Variants in NT5C3A observed in about 807,000 individuals in gnomAD.
NT5C3A encodes 5'-nucleotidase, cytosolic IIIA, also known as cytosolic 5'-nucleotidase 3A.
NT5C3A carries 23 observed loss-of-function variants against 40.0 expected under a neutral mutation model. That is an observed-to-expected ratio of 0.58 (90% CI 0.41 to 0.81). The LOEUF (loss-of-function observed/expected upper bound fraction) is 0.81, where lower values mean the gene tolerates loss of function less well. Among genes scored for constraint, NT5C3A ranks in the 40% least tolerant of loss-of-function variants. The pLI is 0.00. For synonymous variants in NT5C3A, 130 were observed against 141.4 expected (o/e 0.92, Z 0.57); for missense variants, 328 against 403.0 (o/e 0.81, Z 1.59).
chr7:33,026,950 A>T (rs1225574411), intron 1 of NT5C3A, 35 bp from the exon 2 acceptor site: 2 of 1,423,700 alleles, frequency 1.4e-6, no homozygotes, highest in East Asian at 2.3e-5. Context: ...ATTAGTTTTC[A>T]TTCTTCTTTC....
chr7:33,028,897 CAT>C (rs1337217765), intron 1 of NT5C3A, among the ~76,000 whole-genome samples: 2 of 151,532 alleles, frequency 1.3e-5, no homozygotes, highest in African/African-American at 4.9e-5. Context: ...CTACTGAAAA[CAT>C]AAAAAATTAG....
At chr7:33,015,541 T>A in intron 8 of NT5C3A, 129 bp downstream of exon 8, 1 of 649,622 alleles carries the variant, frequency 1.5e-6, no homozygotes, top group Admixed American at 2.7e-5. Context: ...CTAGCCTCGG[T>A]AACAGAGGCT....
chr7:33,038,581 C>T (rs569616978), intron 1 of NT5C3A, among the ~76,000 whole-genome samples: 3 of 151,762 alleles, frequency 2.0e-5, no homozygotes, highest in South Asian at 2.1e-4. Context: ...CTTGCCAGTC[C>T]TCACTAGCAA....
chr7:33,014,569 A>G lies in NT5C3A; in HGVS notation c.*161T>C, dbSNP rs1219482349. 3 of 999,846 alleles carry G rather than the reference A, an allele frequency of 3.0e-6. No homozygotes were observed. In the East Asian group the frequency reaches 8.4e-5, roughly 28 times the overall value. 61.9% of individuals were successfully genotyped at this position (999,846 alleles called of 1,614,324 possible). ...TGTGTTGAGAGAGGTGGAGAAAAGG[A>G]GCTTCCAGTCAATGCATTCACCATA... On this transcript the variant is annotated 3_prime_UTR_variant, in exon 9 of 9. Transcript: ENST00000610140.
At chr7:33,016,270 A>G (rs1785320733) in intron 7 of NT5C3A, among the ~76,000 whole-genome samples, 1 of 151,818 alleles carries the variant, frequency 6.6e-6, no homozygotes, top group African/African-American at 2.4e-5. Context: ...GATACTCGGG[A>G]GGCTGAGGAA....
intron 7 of NT5C3A, chr7:33,017,066 C>A: frequency 5.5e-6 from 1 of 180,722 alleles, no homozygotes; most frequent in South Asian, 1.4e-4. Context: ...GCTTGTAATC[C>A]CAGCTACTCG....
rs1371571337 is a variant in NT5C3A at position 33,017,583 on chromosome 7, G to A, written c.549C>T (p.Phe183=). The change falls in exon 7 of 9, where the codon TTC becomes TTT. Residue 183 remains phenylalanine, a synonymous_variant. Transcript: ENST00000610140. ...TGCTATGTTGTTGGAGCTTATCAAA[G>A]AAATTCTCATATCCTTCTCTGTAAG... ...DVMLKEGYEN[F]FDKLQQHSIP... 6.2e-7 allele frequency: 1 copy of A among 1,613,630 alleles called. No homozygotes were observed. Among genetic ancestry groups the A allele is most frequent in the Non-Finnish European group, 8.5e-7 (1 of 1,179,566 alleles).
chr7:33,049,031 C>T (rs73303290), intron 1 of NT5C3A, among the ~76,000 whole-genome samples: 2,804 of 152,234 alleles, frequency 0.018, 72 homozygotes, highest in African/African-American at 0.065. Flanking sequence ...ATAACTACTA[C>T]GTGGTAAGCA....
At chr7:33,034,457 C>G (rs1786470644) in intron 1 of NT5C3A, among the ~76,000 whole-genome samples, 1 of 152,036 alleles carries the variant, frequency 6.6e-6, no homozygotes, top group East Asian at 1.9e-4. Context: ...AAAAGTCAAC[C>G]CAAACAAGAA....
rs763693849 is a variant in NT5C3A, at chr7:33,062,555, C to A, written c.138+13G>T. The A allele has an allele frequency of 2.5e-6, 4 of 1,608,026 alleles. No homozygotes were observed. In the East Asian group the frequency reaches 8.9e-5, roughly 36 times the overall value. On this transcript the variant is annotated intron_variant, in intron 1 of 8. Transcript: ENST00000610140. ...CCTCGCGTGCTCTGGGCGCGCCGAG[C>A]CTCCACACTCACCATCTCGATGATC... is the stretch of plus-strand genomic sequence containing the variant.
chr7:33,027,377 T>G (rs1424314663), intron 1 of NT5C3A, among the ~76,000 whole-genome samples: 1 of 152,206 alleles, frequency 6.6e-6, no homozygotes, highest in Non-Finnish European at 1.5e-5. Context: ...GCTCCCACAT[T>G]ACCATTTATA....
At chr7:33,041,060 C>G in intron 1 of NT5C3A, 1 of 985,386 alleles carries the variant, frequency 1.0e-6, no homozygotes, top group Non-Finnish European at 1.2e-6. Flanking sequence ...TAGCTCTGAG[C>G]TAGTCACAAG....
chr7:33,022,519 G>A (rs1396243364), intron 3 of NT5C3A, among the ~76,000 whole-genome samples: 2 of 152,008 alleles, frequency 1.3e-5, no homozygotes, highest in Non-Finnish European at 2.9e-5. Context: ...CCACTGTAAA[G>A]AAGAAAACAA....
intron 1 of NT5C3A, chr7:33,029,830 G>A (rs1177126302): frequency 7.7e-6 from 4 of 519,896 alleles, no homozygotes; most frequent in Non-Finnish European, 1.3e-5. Context: ...GCCTCCCAAA[G>A]TGCTGGGATT....
intron 2 of NT5C3A, among the ~76,000 whole-genome samples, chr7:33,025,191 T>C (rs1056033354): frequency 6.6e-6 from 1 of 151,980 alleles, no homozygotes. Flanking sequence ...TTTGAAAAAA[T>C]CTGATTAATT....
intron 1 of NT5C3A, among the ~76,000 whole-genome samples, chr7:33,059,882 A>T (rs1053479261): frequency 1.3e-4 from 20 of 152,102 alleles, no homozygotes; most frequent in African/African-American, 4.8e-4. Context: ...CAACCTCCTA[A>T]ATTTATTTCT....
chr7:33,036,183 C>A (rs78507084), intron 1 of NT5C3A: 1 of 590,464 alleles, frequency 1.7e-6, no homozygotes. Context: ...TGGGTGGATG[C>A]CTTGGATAAT....
At chr7:33,060,898 G>C (rs998955048) in intron 1 of NT5C3A, among the ~76,000 whole-genome samples, 1 of 152,130 alleles carries the variant, frequency 6.6e-6, no homozygotes, top group Non-Finnish European at 1.5e-5. Flanking sequence ...CCATTGAAAA[G>C]CTACTAGCAG....
Position 33,062,469 on chromosome 7 carries a change from C to T in NT5C3A, c.138+99G>A, listed in dbSNP as rs532204445. On this transcript the variant is annotated intron_variant, in intron 1 of 8. Coordinates refer to ENST00000610140, the MANE Select transcript of NT5C3A (RefSeq NM_001002010.5). Reference sequence around the variant, plus strand: ...CTGACAGGCGACGCCGGCAGCTCCCCGTCGCGACCGAACAGCGGCCCAGCA... The same window carrying T: ...CTGACAGGCGACGCCGGCAGCTCCCTGTCGCGACCGAACAGCGGCCCAGCA... 14 of 1,104,608 alleles carry T rather than the reference C, an allele frequency of 1.3e-5. No homozygotes were observed. In the South Asian group the frequency reaches 1.9e-4, roughly 15 times the overall value. 68.4% of individuals were successfully genotyped at this position (1,104,608 alleles called of 1,614,324 possible).
Sources: gnomAD v4.1 joint callset for allele counts (sites outside exome capture counted in the v4.1 genomes callset) on GRCh38, gnomAD v4.1.1 for gene constraint, MANE v1.5 for transcripts, NCBI Gene and HGNC (gene_info 2026-07-23, HGNC 2026-07-21) for gene names.